The following TENM4 variants were observed in gnomAD, a reference collection of about 807,000 sequenced individuals.
TENM4 encodes teneurin-4.
In TENM4, 82 loss-of-function variants were observed where a neutral mutation model predicts 243.3. That is an observed-to-expected ratio of 0.34 (90% CI 0.28 to 0.40). The LOEUF is 0.40. Among genes scored for constraint, TENM4 ranks in the 10% least tolerant of loss-of-function variants. The probability of loss-of-function intolerance (pLI) is 1.00; values close to 1 mark genes in which losing one functional copy is unlikely to be tolerated. For missense variants in TENM4, 3,138 were observed against 3,673.3 expected (o/e 0.85, Z 3.77); for synonymous variants, 1,412 against 1,456.3 (o/e 0.97, Z 0.69).
At chr11:79,312,827 T>C (rs1340947197) in intron 1 of TENM4, among the ~76,000 whole-genome samples, 2 of 152,208 alleles carry the variant, frequency 1.3e-5, no homozygotes, top group Admixed American at 6.5e-5. Context: ...TAGCATATTC[T>C]GAAGTGGGCT....
rs779681825 is a variant in TENM4, at chr11:79,435,011, C to T, written c.-321+5498G>A. Among the ~76,000 whole-genome samples, 8 of 152,100 alleles carry T rather than the reference C, an allele frequency of 5.3e-5. No homozygotes were observed. In the East Asian group the frequency reaches 7.7e-4, roughly 15 times the overall value. ...GTCTATGTAGCATTACAAATGTCAC[C>T]GTAGGAGGAAAAGAGAGCATGAAAA... On this transcript the variant is annotated intron_variant, in intron 1 of 33. Coordinates refer to ENST00000278550, the MANE Select transcript of TENM4 (RefSeq NM_001098816.3).
At chr11:78,772,672 A>G (rs561377588) in intron 17 of TENM4, among the ~76,000 whole-genome samples, 1 of 148,762 alleles carries the variant, frequency 6.7e-6, no homozygotes, top group East Asian at 1.9e-4. Context: ...CTAAAACTTG[A>G]GTGTTCCCAG....
chr11:79,394,734 A>G (rs1439043825), intron 1 of TENM4, among the ~76,000 whole-genome samples: 1 of 152,238 alleles, frequency 6.6e-6, no homozygotes, highest in Non-Finnish European at 1.5e-5. Flanking sequence ...CTGATGGAAT[A>G]GGGTAGGCCC....
chr11:79,202,589 C>T (rs952245855), intron 3 of TENM4, among the ~76,000 whole-genome samples: 4 of 152,160 alleles, frequency 2.6e-5, no homozygotes, highest in Non-Finnish European at 5.9e-5. Context: ...GTTTGTTTGG[C>T]GGTGGCTTGT....
chr11:79,355,908 T>C (rs1857489480), intron 1 of TENM4, among the ~76,000 whole-genome samples: 1 of 152,298 alleles, frequency 6.6e-6, no homozygotes. Flanking sequence ...TGTCAAGATA[T>C]TAGAAATGAA....
intron 1 of TENM4, among the ~76,000 whole-genome samples, chr11:79,331,388 C>T: frequency 6.6e-6 from 1 of 152,158 alleles, no homozygotes; most frequent in East Asian, 1.9e-4. Context: ...GCAACCTGCA[C>T]CTCTGTTGTT....
chr11:79,025,066 G>A (rs186866022), intron 6 of TENM4, among the ~76,000 whole-genome samples: 86 of 152,322 alleles, frequency 5.6e-4, no homozygotes, highest in Non-Finnish European at 9.8e-4. Context: ...AACCCCTGGA[G>A]GATGCCAGGG....
intron 6 of TENM4, among the ~76,000 whole-genome samples, chr11:78,984,550 A>G (rs1455185833): frequency 2.6e-5 from 4 of 152,050 alleles, no homozygotes; most frequent in Non-Finnish European, 1.5e-5. Flanking sequence ...TCCCATCTAC[A>G]ATGTGGTTGC....
At chr11:79,124,611 G>T (rs1409579578) in intron 4 of TENM4, among the ~76,000 whole-genome samples, 1 of 149,794 alleles carries the variant, frequency 6.7e-6, no homozygotes, top group South Asian at 2.1e-4. Flanking sequence ...GTGTGTGTGT[G>T]TATATATACA....
intron 2 of TENM4, among the ~76,000 whole-genome samples, chr11:79,254,102 T>C (rs965192270): frequency 3.9e-5 from 6 of 152,218 alleles, no homozygotes; most frequent in Non-Finnish European, 8.8e-5. Flanking sequence ...GGTGAAACTA[T>C]TTTGTAGGTC....
At chr11:79,196,997 T>C (rs1162209937) in intron 3 of TENM4, among the ~76,000 whole-genome samples, 2 of 152,206 alleles carry the variant, frequency 1.3e-5, no homozygotes, top group Non-Finnish European at 2.9e-5. Flanking sequence ...TAAGAGGTTT[T>C]CAGCAAAAAG....
chr11:78,951,735 C>T (rs1416705697), intron 6 of TENM4, among the ~76,000 whole-genome samples: 1 of 152,080 alleles, frequency 6.6e-6, no homozygotes, highest in Admixed American at 6.5e-5. Flanking sequence ...ACCCTTATGA[C>T]CTTATTTAAT....
intron 2 of TENM4, among the ~76,000 whole-genome samples, chr11:79,262,108 T>C (rs1041946248): frequency 6.6e-6 from 1 of 152,140 alleles, no homozygotes; most frequent in Non-Finnish European, 1.5e-5. Context: ...TGAGTACCCA[T>C]CACGTGCCAG....
At chr11:78,987,377 A>C (rs1857942888) in intron 6 of TENM4, among the ~76,000 whole-genome samples, 1 of 152,242 alleles carries the variant, frequency 6.6e-6, no homozygotes, top group Admixed American at 6.5e-5. Flanking sequence ...AGATTCATTC[A>C]TGTTGAGTGA....
At chr11:79,424,086 T>C (rs1001592832) in intron 1 of TENM4, among the ~76,000 whole-genome samples, 3 of 152,226 alleles carry the variant, frequency 2.0e-5, no homozygotes, top group Admixed American at 6.5e-5. Flanking sequence ...GAGTTTAGTT[T>C]GTCTGCCAAA....
At chr11:78,948,592 C>A (rs1487557095) in intron 6 of TENM4, among the ~76,000 whole-genome samples, 6 of 152,280 alleles carry the variant, frequency 3.9e-5, no homozygotes, top group Non-Finnish European at 7.4e-5. Context: ...AGGATGGTCT[C>A]GATCTCCTGA....
chr11:78,722,432 T>C (rs2135843536), intron 24 of TENM4, among the ~76,000 whole-genome samples: 1 of 152,350 alleles, frequency 6.6e-6, no homozygotes, highest in East Asian at 1.9e-4. Flanking sequence ...CAGCCTTCTA[T>C]GTCACAGATG....
At chr11:79,237,740 C>T (rs890914484) in intron 2 of TENM4, among the ~76,000 whole-genome samples, 3 of 152,110 alleles carry the variant, frequency 2.0e-5, no homozygotes, top group Non-Finnish European at 2.9e-5. Context: ...GAGAGGATTT[C>T]GTATCACAAA....
rs1029263307 is a variant in TENM4, at chr11:79,440,583, C to CCT, written c.-397_-396dup. 1.3e-4 allele frequency: 20 copies of CCT among 152,032 alleles called. No individual in the cohort carries two copies. The highest frequency in any genetic ancestry group is 3.9e-4 in the African/African-American group (16 of 41,406). The allele number at this position is 152,032 out of a possible 1,614,324, so 9.4% of individuals were successfully genotyped here. A position where few individuals can be genotyped will look rare whatever the true frequency, so the allele number is the denominator to read the frequency against. On this transcript the variant is annotated 5_prime_UTR_variant, in exon 1 of 34. The change creates a premature stop within an existing upstream ORF in the 5' untranslated region. Coordinates refer to ENST00000278550, the MANE Select transcript of TENM4 (RefSeq NM_001098816.3). This position sits in a 1 kb window ranked among gnomAD's most constrained non-coding sequence, Gnocchi z 4.7. ...GAGGCAAGGCGCCGCGCCGGTGGCT[C>CCT]CTCTCTCTCTCGGCGGCGCGGCTCC...
Sources: allele counts gnomAD v4.1 joint callset (sites outside exome capture counted in the v4.1 genomes callset), GRCh38; gene constraint gnomAD v4.1.1; non-coding constraint Gnocchi (gnomAD v3.1); transcripts MANE v1.5; gene names NCBI Gene and HGNC (gene_info 2026-07-23, HGNC 2026-07-21).